The following CCDC14 variants were observed in gnomAD, a reference collection of about 807,000 sequenced individuals.
CCDC14 encodes coiled-coil domain-containing protein 14.
Under a neutral mutation model 81.4 loss-of-function variants are expected in CCDC14, and 71 were observed. That is an observed-to-expected ratio of 0.87 (90% confidence interval 0.72 to 1.06). The LOEUF is 1.06. Ranked by LOEUF, CCDC14 falls within the 50% of genes least tolerant of loss-of-function variation. The pLI is 0.00. For missense variants in CCDC14, 1,046 were observed against 1,047.3 expected (o/e 1.00, Z 0.02); for synonymous variants, 332 against 364.8 (o/e 0.91, Z 1.03).
chr3:123,902,390 G>T (rs1559754346), intron 5 of CCDC14, among the ~76,000 whole-genome samples: 1 of 152,230 alleles, frequency 6.6e-6, no homozygotes, highest in Non-Finnish European at 1.5e-5. Context: ...ACATCACGAA[G>T]AGGGAGACAA....
chr3:123,940,279 T>C (rs995027599), intron 9 of CCDC14, among the ~76,000 whole-genome samples: 2 of 151,834 alleles, frequency 1.3e-5, no homozygotes, highest in Admixed American at 1.3e-4. Flanking sequence ...TTTTGTAATT[T>C]TTTTGCTTTA....
chr3:123,949,123 T>A lies in CCDC14; in HGVS notation c.362A>T (p.Asp121Val), dbSNP rs141169954. ...LVVQKETSSS[D>V]NKKQIPNEAS... ...TTCATTAGGTATCTGTTTCTTATTA[T>A]CTGAAGATGCTAATGTGGAAGAAGA... The change falls in exon 6 of 13, where the codon GAT (aspartate) becomes GTT (valine). Residue 121 changes from aspartate to valine, a missense_variant. Transcript: ENST00000409697. The A allele has an allele frequency of 1.9e-6, 3 of 1,588,370 alleles. No individual in the cohort carries two copies. The Admixed American group carries it at 5.3e-5, about 28-fold the overall frequency.
chr3:123,954,577 A>G (rs1049390225), intron 5 of CCDC14: 2 of 152,166 alleles, frequency 1.3e-5, no homozygotes, highest in Admixed American at 1.3e-4. Context: ...CCAAAATATT[A>G]ACATTTCAGT....
chr3:123,935,778 T>C (rs2036026725), intron 9 of CCDC14, among the ~76,000 whole-genome samples: 1 of 152,200 alleles, frequency 6.6e-6, no homozygotes. Context: ...GATTCTTCTC[T>C]TCCCAAACGT....
intron 10 of CCDC14, among the ~76,000 whole-genome samples, chr3:123,933,257 C>T (rs1250026331): frequency 2.0e-5 from 3 of 151,948 alleles, no homozygotes; most frequent in African/African-American, 7.3e-5. Context: ...AGCAGAATAC[C>T]CAAGTAATTC....
downstream of CCDC14, among the ~76,000 whole-genome samples, chr3:123,896,989 C>T (rs2034075187): frequency 3.3e-5 from 5 of 152,044 alleles, no homozygotes; most frequent in South Asian, 1.0e-3. Flanking sequence ...TAGATCAGCA[C>T]CCCAAAATTC....
Position 123,916,468 on chromosome 3 carries a change from TTGTG to T in CCDC14, c.1779-754_1779-751del, listed in dbSNP as rs71142765. ...TTATTTCCCTTCATTATATATGTGT[TTGTG>T]TGTGTGTGTGTGTGTGTGTGTGTGT... On this transcript the variant is annotated intron_variant, in intron 12 of 12. Coordinates refer to ENST00000409697, the MANE Select transcript of CCDC14 (RefSeq NM_001366335.1). Among the ~76,000 whole-genome samples, 856 of 146,158 alleles carry T rather than the reference TTGTG, an allele frequency of 5.9e-3. 1 individual carries two copies. The highest frequency in any genetic ancestry group is 9.0e-3 in the Non-Finnish European group (600 of 66,648).
At chr3:123,902,929 A>G (rs2148760368) in intron 5 of CCDC14, among the ~76,000 whole-genome samples, 1 of 152,124 alleles carries the variant, frequency 6.6e-6, no homozygotes. Flanking sequence ...TTTTAGGCCC[A>G]CATGCATTAG....
intron 12 of CCDC14, among the ~76,000 whole-genome samples, chr3:123,930,010 A>G (rs188859812): frequency 2.3e-4 from 35 of 152,354 alleles, no homozygotes; most frequent in Middle Eastern, 3.4e-3. Flanking sequence ...TTTATTTTGA[A>G]TAAGACTGGT....
chr3:123,888,485 T>A, the CCDC14 span, among the ~76,000 whole-genome samples: 3 of 152,190 alleles, frequency 2.0e-5, no homozygotes, highest in Non-Finnish European at 2.9e-5. Context: ...ATCTGGCTCT[T>A]CTTTTTCTTT....
At chr3:123,894,366 G>A (rs2034030132), downstream of CCDC14, among the ~76,000 whole-genome samples, 1 of 152,204 alleles carries the variant, frequency 6.6e-6, no homozygotes. Flanking sequence ...TAGCTTTGTA[G>A]TAAGTTTTGA....
chr3:123,955,649 T>C (rs193073086), intron 5 of CCDC14, 194 bp downstream of exon 5: 16 of 411,790 alleles, frequency 3.9e-5, no homozygotes, highest in African/African-American at 3.3e-4. Flanking sequence ...TTTTCTATTT[T>C]TCTTCTTGAG....
In CCDC14 at chr3:123,914,384, A is replaced by C. The variant is rs374095741; in HGVS notation, c.*395T>G. On this transcript the variant is annotated 3_prime_UTR_variant, in exon 13 of 13. Transcript: ENST00000409697. Reference sequence around the variant, plus strand: ...AAAAAAAGTATATGTAAACAGAAAAAAAAAACCCTCTAGTTTCAACAGAAA... The same window carrying C: ...AAAAAAAGTATATGTAAACAGAAAACAAAAACCCTCTAGTTTCAACAGAAA... The C allele has an allele frequency of 2.0e-6, 2 of 985,934 alleles. No individual in the cohort carries two copies. The highest frequency in any genetic ancestry group is 2.4e-6 in the Non-Finnish European group (2 of 830,286). 61.1% of individuals were successfully genotyped at this position (985,934 alleles called of 1,614,324 possible).
At chr3:123,890,414 T>C in the CCDC14 span, among the ~76,000 whole-genome samples, 2 of 152,216 alleles carry the variant, frequency 1.3e-5, no homozygotes, top group African/African-American at 4.8e-5. Flanking sequence ...CCCTTCCACC[T>C]ATAAACCTGT....
In CCDC14 at chr3:123,956,402, A is replaced by G. The variant is rs1411305927; in HGVS notation, c.112T>C (p.Phe38Leu). 7 of 1,547,566 alleles carry G rather than the reference A, an allele frequency of 4.5e-6. No individual in the cohort carries two copies. Among genetic ancestry groups the G allele is most frequent in the Middle Eastern group, 1.7e-4 (1 of 5,964 alleles). Residue 38 changes from phenylalanine to leucine, a missense_variant, in exon 3 of 13, where the codon TTT becomes CTT. Transcript: ENST00000409697. ...KATYLRKIPR[F>L]NADSGYSIHS... ...ATGGAATAGCCAGAATCTGCATTAA[A>G]ACGTGGTATTTTTCTTAAATAGGTC...
At chr3:123,958,045 G>A (rs2148967748) in intron 1 of CCDC14, 1 of 152,110 alleles carries the variant, frequency 6.6e-6, no homozygotes. Context: ...TTAAAAACTG[G>A]GTTGGTAAGA....
At chr3:123,923,129 T>C (rs1159551937) in intron 12 of CCDC14, among the ~76,000 whole-genome samples, 1 of 152,092 alleles carries the variant, frequency 6.6e-6, no homozygotes, top group Non-Finnish European at 1.5e-5. Context: ...GTTCAACGTA[T>C]AAAACCGATG....
At chr3:123,890,769 A>T in the CCDC14 span, among the ~76,000 whole-genome samples, 5 of 152,092 alleles carry the variant, frequency 3.3e-5, no homozygotes, top group African/African-American at 1.2e-4. Flanking sequence ...CAGTGGATCT[A>T]CCATTCTGGG....
downstream of CCDC14, among the ~76,000 whole-genome samples, chr3:123,895,540 A>T (rs1469706398): frequency 6.6e-6 from 1 of 152,144 alleles, no homozygotes; most frequent in African/African-American, 2.4e-5. Context: ...AAACAGAACA[A>T]AACAAAACAA....
Sources: allele counts gnomAD v4.1 joint callset (sites outside exome capture counted in the v4.1 genomes callset), GRCh38; gene constraint gnomAD v4.1.1; transcripts MANE v1.5; gene names NCBI Gene and HGNC (gene_info 2026-07-23, HGNC 2026-07-21).